COL7A1: variants seen among roughly 807,000 people sequenced by gnomAD.
COL7A1 encodes collagen alpha-1(VII) chain.
Under a neutral mutation model 456.2 loss-of-function variants are expected in COL7A1, and 296 were observed. That is an observed-to-expected ratio of 0.65 (90% CI 0.59 to 0.71). COL7A1 has a LOEUF of 0.71. Ranked by LOEUF, COL7A1 falls within the 30% of genes least tolerant of loss-of-function variation. The pLI is 0.00. For missense variants in COL7A1, 3,441 were observed against 4,017.2 expected, an observed-to-expected ratio of 0.86 and a Z score of 3.88; for synonymous variants, 1,464 against 1,525.9, an observed-to-expected ratio of 0.96 and a Z score of 0.95.
chr3:48,589,177 C>T (rs1191933658), intron 18 of COL7A1, 150 bp downstream of exon 18: 17 of 1,451,352 alleles, frequency 1.2e-5, no homozygotes, highest in Middle Eastern at 2.4e-4. Context: ...AGGAGGTCAC[C>T]GTGGGTGGAC....
In COL7A1 at chr3:48,574,422, G is replaced by T. The variant is rs1320283174; in HGVS notation, c.6456+66C>A. 1 of 1,612,698 alleles carries T rather than the reference G, an allele frequency of 6.2e-7. No homozygotes were observed. The highest frequency in any genetic ancestry group is 1.3e-5 in the African/African-American group (1 of 74,910). ...CCCAGGCAGTACAGACCCCAGCCCTGCACACAGGACAATACATGTGAGAGC... is the reference window on the plus strand; with the variant it reads ...CCCAGGCAGTACAGACCCCAGCCCTTCACACAGGACAATACATGTGAGAGC... On this transcript the variant is annotated intron_variant, in intron 79 of 118. Coordinates refer to ENST00000681320, the MANE Select transcript of COL7A1 (RefSeq NM_000094.4). The surrounding 1 kb of genome is among the most constrained non-coding windows in gnomAD (Gnocchi z 5.0).
chr3:48,564,201 A>C lies in COL7A1; in HGVS notation c.*205T>G. 1.5e-6 allele frequency: 1 copy of C among 663,828 alleles called. No homozygotes were observed. Among genetic ancestry groups the C allele is most frequent in the Non-Finnish European group, 2.7e-6 (1 of 369,680 alleles). The allele number at this position is 663,828 out of a possible 1,614,324, so 41.1% of individuals were successfully genotyped here. A position where few individuals can be genotyped will look rare whatever the true frequency, so the allele number is the denominator to read the frequency against. Reference sequence around the variant, plus strand: ...CACAGCCACCCCCCCACAGTGAGTCATCTGCCAGGGTGGCAGGAGCCACAA... The same window carrying C: ...CACAGCCACCCCCCCACAGTGAGTCCTCTGCCAGGGTGGCAGGAGCCACAA... On this transcript the variant is annotated 3_prime_UTR_variant, in exon 119 of 119. Transcript: ENST00000681320. The surrounding 1 kb of genome is among the most constrained non-coding windows in gnomAD (Gnocchi z 6.0).
rs1388017056 is a variant in COL7A1 at position 48,576,760 on chromosome 3, G to T, written c.5616C>A (p.Gly1872=). The change falls in exon 68 of 119, where the codon GGC becomes GGA. Residue 1872 remains glycine (G), a synonymous_variant. Transcript: ENST00000681320. ...CAGGAGCTCCACGCTCACCCTTGGG[G>T]CCATCACGACCCTGTGAAGGATGCA... is the stretch of plus-strand genomic sequence containing the variant. ...SGASGREGRD[G]PKGERGAPGI... The T allele has an allele frequency of 1.1e-5, 18 of 1,613,186 alleles. No individual in the cohort carries two copies. Among genetic ancestry groups the T allele is most frequent in the African/African-American group, 2.7e-5 (2 of 74,906 alleles).
intron 16 of COL7A1, 64 bp from the exon 17 acceptor site, chr3:48,589,782 G>GTCCC: frequency 1.2e-6 from 2 of 1,611,210 alleles, no homozygotes; most frequent in Non-Finnish European, 1.7e-6. Context: ...CTATCTGATA[G>GTCCC]GGGAAGATGA....
At position 48,588,614 on chromosome 3, in the gene COL7A1, G is replaced by C; in HGVS notation, c.2587+28C>G. 6.2e-7 allele frequency: 1 copy of C among 1,613,692 alleles called. No individual in the cohort carries two copies. Among genetic ancestry groups the C allele is most frequent in the African/African-American group, 1.3e-5 (1 of 75,054 alleles). On this transcript the variant is annotated intron_variant, in intron 20 of 118. Transcript: ENST00000681320. This position sits in a 1 kb window ranked among gnomAD's most constrained non-coding sequence, Gnocchi z 4.6. ...CCCAAACCATCCACACCACCCATCC[G>C]AAGCTCTCCAGCGCATGCTCTGCCT... is the stretch of plus-strand genomic sequence containing the variant.
rs121912845 is a variant in COL7A1, at chr3:48,580,301, G to A, written c.5096C>T (p.Pro1699Leu). ...GCCCAGGACACCAGCCCTACTCACC[G>A]GCTCCCCACGGTCACCCTTGGGTCC... Reference protein sequence around the residue: ...SSGPKGDRGEPGPPGPPGRLV... With the variant: ...SSGPKGDRGELGPPGPPGRLV... Residue 1699 changes from proline (P) to leucine (L), a missense_variant and splice_region_variant, in exon 56 of 119, where the codon CCG (proline) becomes CTG (leucine). Around this residue, in one of 3 missense-constraint regions of COL7A1, gnomAD observed 2,084 missense variants for 2,501.3 expected, o/e 0.83. Transcript: ENST00000681320. This position sits in a 1 kb window ranked among gnomAD's most constrained non-coding sequence, Gnocchi z 4.5. 1.6e-5 allele frequency: 25 copies of A among 1,610,060 alleles called. No individual in the cohort carries two copies. Among genetic ancestry groups the A allele is most frequent in the Middle Eastern group, 1.7e-4 (1 of 6,032 alleles).
intron 34 of COL7A1, 43 bp from the exon 35 acceptor site, chr3:48,584,812 G>T (rs376273073): frequency 6.2e-7 from 1 of 1,613,890 alleles, no homozygotes; most frequent in Non-Finnish European, 8.5e-7. Context: ...GGGCTCAGGC[G>T]AATGTCAACG....
chr3:48,574,215 A>C lies in COL7A1; in HGVS notation c.6501+47T>G, dbSNP rs755947014. ...CACACACACAGCAGCAGCAGCACCTAGCGGAGGGTCCGGAGCCTGGGGCCA... is the reference window on the plus strand; with the variant it reads ...CACACACACAGCAGCAGCAGCACCTCGCGGAGGGTCCGGAGCCTGGGGCCA... On this transcript the variant is annotated intron_variant, in intron 80 of 118. Coordinates refer to ENST00000681320, the MANE Select transcript of COL7A1 (RefSeq NM_000094.4). This position sits in a 1 kb window ranked among gnomAD's most constrained non-coding sequence, Gnocchi z 5.0. The C allele has an allele frequency of 1.9e-6, 3 of 1,610,130 alleles. No individual in the cohort carries two copies. The highest frequency in any genetic ancestry group is 2.5e-6 in the Non-Finnish European group (3 of 1,176,844).
At position 48,568,692 on chromosome 3, in the gene COL7A1, AC is replaced by A; in HGVS notation, c.7758+91del. On this transcript the variant is annotated intron_variant, in intron 104 of 118. Transcript: ENST00000681320. The surrounding 1 kb of genome is among the most constrained non-coding windows in gnomAD (Gnocchi z 5.2). ...TGGGGCCGGCAGCAAGGGAGCCAGA[AC>A]CCCCAGCACTTAAGAGGACCCCCAG... The A allele has an allele frequency of 1.3e-6, 2 of 1,487,098 alleles. No homozygotes were observed. Among genetic ancestry groups the A allele is most frequent in the Non-Finnish European group, 1.8e-6 (2 of 1,090,344 alleles). 92.1% of individuals were successfully genotyped at this position (1,487,098 alleles called of 1,614,324 possible). A position where few individuals can be genotyped will look rare whatever the true frequency, so the allele number is the denominator to read the frequency against.
At position 48,565,312 on chromosome 3, in the gene COL7A1, C is replaced by G; in HGVS notation, c.8527+98G>C. On this transcript the variant is annotated intron_variant, in intron 116 of 118. Coordinates refer to ENST00000681320, the MANE Select transcript of COL7A1 (RefSeq NM_000094.4). This position sits in a 1 kb window ranked among gnomAD's most constrained non-coding sequence, Gnocchi z 4.5. Reference sequence around the variant, plus strand: ...AGTGCCCATGCGTGTGCCCTGCATGCAGACCCTACGTGCTTGGCGTGTGCC... The same window carrying G: ...AGTGCCCATGCGTGTGCCCTGCATGGAGACCCTACGTGCTTGGCGTGTGCC... 1 of 1,500,474 alleles carries G rather than the reference C, an allele frequency of 6.7e-7. No individual in the cohort carries two copies. Among genetic ancestry groups the G allele is most frequent in the South Asian group, 1.2e-5 (1 of 85,030 alleles). The allele number at this position is 1,500,474 out of a possible 1,614,324, so 92.9% of individuals were successfully genotyped here.
rs1488852251 is a variant in COL7A1 at position 48,594,081 on chromosome 3, C to T, written c.266+287G>A. Among the ~76,000 whole-genome samples, 3 of 152,192 alleles carry T rather than the reference C, an allele frequency of 2.0e-5. No individual in the cohort carries two copies. The highest frequency in any genetic ancestry group is 1.3e-4 in the Admixed American group (2 of 15,288). On this transcript the variant is annotated intron_variant, in intron 3 of 118. Coordinates refer to ENST00000681320, the MANE Select transcript of COL7A1 (RefSeq NM_000094.4). This position sits in a 1 kb window ranked among gnomAD's most constrained non-coding sequence, Gnocchi z 5.5. ...GCTAGAACGTGGAGAATCCAACAGG[C>T]GTGGGGGCCCCCTCCTGGGCTCCCC... is the stretch of plus-strand genomic sequence containing the variant.
chr3:48,581,631 C>A lies in COL7A1; in HGVS notation c.4724G>T (p.Gly1575Val). Residue 1575 changes from glycine to valine, a missense_variant and splice_region_variant, in exon 50 of 119, where the codon GGC becomes GTC. By Grantham distance (109) the Gly-to-Val change is moderately radical (BLOSUM62 -3). Around this residue, in one of 3 missense-constraint regions of COL7A1, gnomAD observed 2,084 missense variants for 2,501.3 expected, o/e 0.83. Coordinates refer to ENST00000681320, the MANE Select transcript of COL7A1 (RefSeq NM_000094.4). This position sits in a 1 kb window ranked among gnomAD's most constrained non-coding sequence, Gnocchi z 5.8. The part of the protein sequence containing the change: ...RGATGVQGER[G>V]PPGLVLPGDP... Reference sequence around the variant, plus strand: ...TCCAGGAAGAACCAAGCCGGGTGGGCCCTGTGGATGGAAGGATAAGAAGTC... The same window carrying A: ...TCCAGGAAGAACCAAGCCGGGTGGGACCTGTGGATGGAAGGATAAGAAGTC... 1.2e-6 allele frequency: 2 copies of A among 1,614,182 alleles called. No homozygotes were observed. Among genetic ancestry groups the A allele is most frequent in the Non-Finnish European group, 1.7e-6 (2 of 1,180,034 alleles).
Position 48,564,733 on chromosome 3 carries a change from T to A in COL7A1, c.8818+50A>T, listed in dbSNP as rs780619209. ...CAAGGACTCCTCCCCCAGAACCCGA[T>A]CCAGGCAGGCTCAGTGCCCAGTTCC... is the stretch of plus-strand genomic sequence containing the variant. On this transcript the variant is annotated intron_variant, in intron 118 of 118. Transcript: ENST00000681320. This position sits in a 1 kb window ranked among gnomAD's most constrained non-coding sequence, Gnocchi z 6.0. The A allele has an allele frequency of 4.0e-5, 63 of 1,584,908 alleles. No individual in the cohort carries two copies. The South Asian group carries it at 6.1e-4, about 15-fold the overall frequency.
Position 48,584,322 on chromosome 3 carries a change from T to TGG in COL7A1, c.4171_4172dup (p.Gly1392GlnfsTer8). 1 of 1,612,290 alleles carries TGG rather than the reference T, an allele frequency of 6.2e-7. No homozygotes were observed. Among genetic ancestry groups the TGG allele is most frequent in the Non-Finnish European group, 8.5e-7 (1 of 1,179,242 alleles). On this transcript the variant is annotated frameshift_variant, in exon 37 of 119. Coordinates refer to ENST00000681320, the MANE Select transcript of COL7A1 (RefSeq NM_000094.4). LOFTEE classifies it high-confidence loss of function. The stretch of plus-strand genomic sequence containing the variant: ...CCTTCATGGCTGTTCCAGGAAGCCC[T>TGG]GGGGGGCCACGGGGTCCTGGGTCCC...
Position 48,588,413 on chromosome 3 carries a change from A to T in COL7A1, c.2588-9T>A. The T allele has an allele frequency of 6.2e-7, 1 of 1,607,764 alleles. No individual in the cohort carries two copies. Among genetic ancestry groups the T allele is most frequent in the Non-Finnish European group, 8.5e-7 (1 of 1,179,664 alleles). ...TGGCGGAGCCTCAGGCGCTGGAGAG[A>T]AAGCTCAGGAATCAGGGAGGCTCTG... is the stretch of plus-strand genomic sequence containing the variant. On this transcript the variant is annotated splice_polypyrimidine_tract_variant and intron_variant, in intron 20 of 118. Transcript: ENST00000681320. This position sits in a 1 kb window ranked among gnomAD's most constrained non-coding sequence, Gnocchi z 4.6.
chr3:48,564,304 C>T lies in COL7A1; in HGVS notation c.*102G>A. Reference sequence around the variant, plus strand: ...AATAACGGACGTGCACACGCACGCTCACGTGCACACAAGCCTCTAGCACCA... The same window carrying T: ...AATAACGGACGTGCACACGCACGCTTACGTGCACACAAGCCTCTAGCACCA... On this transcript the variant is annotated 3_prime_UTR_variant, in exon 119 of 119. Coordinates refer to ENST00000681320, the MANE Select transcript of COL7A1 (RefSeq NM_000094.4). This position sits in a 1 kb window ranked among gnomAD's most constrained non-coding sequence, Gnocchi z 6.0. The T allele has an allele frequency of 1.4e-6, 2 of 1,385,654 alleles. No individual in the cohort carries two copies. The highest frequency in any genetic ancestry group is 2.1e-6 in the Non-Finnish European group (2 of 975,446). 85.8% of individuals were successfully genotyped at this position (1,385,654 alleles called of 1,614,324 possible). A position where few individuals can be genotyped will look rare whatever the true frequency, so the allele number is the denominator to read the frequency against.
In COL7A1 at chr3:48,587,931, C is replaced by A; in HGVS notation, c.2719G>T (p.Glu907Ter). ...TCGGGCCCCAGGACCCGGGACTGTT[C>A]CTGGCCACCTGGGGCAGGCGTGAGG... ...LLHWQPEGGQ[E>*]QSRVLGPELS... is the part of the protein sequence containing the mutation. The change falls in exon 22 of 119, where the codon GAA (glutamate) becomes TAA (stop). Residue 907 changes from glutamate (E) to a stop codon, truncating the protein, a stop_gained. Coordinates refer to ENST00000681320, the MANE Select transcript of COL7A1 (RefSeq NM_000094.4). LOFTEE classifies it high-confidence loss of function. This position sits in a 1 kb window ranked among gnomAD's most constrained non-coding sequence, Gnocchi z 6.1. 1 of 1,593,146 alleles carries A rather than the reference C, an allele frequency of 6.3e-7. No individual in the cohort carries two copies. The highest frequency in any genetic ancestry group is 8.5e-7 in the Non-Finnish European group (1 of 1,170,302).
Position 48,570,501 on chromosome 3 carries a change from C to T in COL7A1, c.7345-1G>A, listed in dbSNP as rs1229102944. ...TGAGTCCAGAGGCCCCAGGTGGTCC[C>T]TGTAGGTCAGAGTGAGGTGAGGGTC... On this transcript the variant is annotated splice_acceptor_variant, in intron 96 of 118. Transcript: ENST00000681320. LOFTEE classifies it high-confidence loss of function. The surrounding 1 kb of genome is among the most constrained non-coding windows in gnomAD (Gnocchi z 5.5). 1.9e-6 allele frequency: 3 copies of T among 1,614,032 alleles called. No individual in the cohort carries two copies. Among genetic ancestry groups the T allele is most frequent in the Non-Finnish European group, 2.5e-6 (3 of 1,179,966 alleles).
Position 48,587,250 on chromosome 3 carries a change from A to G in COL7A1, c.3079T>C (p.Ser1027Pro). The G allele has an allele frequency of 6.2e-7, 1 of 1,612,994 alleles. No homozygotes were observed. Among genetic ancestry groups the G allele is most frequent in the African/African-American group, 1.3e-5 (1 of 74,992 alleles). Residue 1027 changes from serine (S) to proline (P), a missense_variant, in exon 24 of 119, where the codon TCC becomes CCC. Transcript: ENST00000681320. This position sits in a 1 kb window ranked among gnomAD's most constrained non-coding sequence, Gnocchi z 6.1. ...ACACCATCCAGGACAGGCGTCAGGG[A>G]GAAGATGTAAGAGACGCCAGGCTCT... is the stretch of plus-strand genomic sequence containing the variant. ...GLEPGVSYIF[S>P]LTPVLDGVRG... is the part of the protein sequence containing the mutation.
Sources: allele counts gnomAD v4.1 joint callset (sites outside exome capture counted in the v4.1 genomes callset), GRCh38; gene constraint gnomAD v4.1.1; regional missense constraint gnomAD v4.1.1; non-coding constraint Gnocchi (gnomAD v3.1); transcripts MANE v1.5; gene names NCBI Gene and HGNC (gene_info 2026-07-23, HGNC 2026-07-21).